The following KIAA0825 variants were observed in gnomAD, a reference collection of about 807,000 sequenced individuals.
The protein encoded by KIAA0825 is KIAA0825, also known as uncharacterized protein KIAA0825.
KIAA0825 carries 119 observed loss-of-function variants against 147.6 expected under a neutral mutation model. The ratio of observed to expected loss-of-function variants is 0.81; its 90% CI spans 0.69 to 0.94. KIAA0825 has a LOEUF of 0.94. KIAA0825 is among the 40% of genes least tolerant of loss of function. The pLI, the probability that KIAA0825 is intolerant of heterozygous loss-of-function variation, is 0.00. For synonymous variants in KIAA0825, 470 were observed against 518.1 expected (o/e 0.91, Z 1.26); for missense variants, 1,381 against 1,472.7 (o/e 0.94, Z 1.02).
At position 94,243,508 on chromosome 5, in the gene KIAA0825, C is replaced by T. The variant is rs190018763; in HGVS notation, c.3711-89384G>A. On this transcript the variant is annotated intron_variant, in intron 20 of 20. Coordinates refer to ENST00000682413, the MANE Select transcript of KIAA0825 (RefSeq NM_001145678.3). ...TGAAAGTAAAATGCTTAGCAGAGTG[C>T]CTGGCCCATAGCAAGACCTCCATAA... Among the ~76,000 whole-genome samples the T allele has an allele frequency of 1.5e-3, 221 of 152,256 alleles. 1 individual carries two copies. The highest frequency in any genetic ancestry group is 1.5e-3 in the South Asian group (7 of 4,822).
intron 7 of KIAA0825, among the ~76,000 whole-genome samples, chr5:94,476,459 C>T (rs142763971): frequency 2.2e-4 from 34 of 152,198 alleles, no homozygotes; most frequent in African/African-American, 8.2e-4. Flanking sequence ...GAACTGAAGT[C>T]ATGCAGGGAA....
chr5:94,421,380 G>C (rs1754161873), intron 14 of KIAA0825, among the ~76,000 whole-genome samples: 1 of 152,148 alleles, frequency 6.6e-6, no homozygotes, highest in African/African-American at 2.4e-5. Flanking sequence ...CCTTTGACTT[G>C]AAAGATTCTT....
At chr5:94,474,177 G>C (rs911349645) in intron 7 of KIAA0825, among the ~76,000 whole-genome samples, 2 of 152,154 alleles carry the variant, frequency 1.3e-5, no homozygotes, top group African/African-American at 4.8e-5. Context: ...TGGTGGTTGG[G>C]GGGGTACTTG....
chr5:94,407,341 T>C (rs1186646539), intron 15 of KIAA0825, among the ~76,000 whole-genome samples: 1 of 152,228 alleles, frequency 6.6e-6, no homozygotes, highest in Non-Finnish European at 1.5e-5. Flanking sequence ...ATTCTACTCC[T>C]AGTTATATAT....
chr5:94,257,607 G>C (rs1184459395), intron 20 of KIAA0825, among the ~76,000 whole-genome samples: 5 of 152,044 alleles, frequency 3.3e-5, no homozygotes, highest in African/African-American at 9.7e-5. Context: ...ACATATCTAA[G>C]ATGATTTTAA....
chr5:94,523,512 C>T (rs964916059), intron 4 of KIAA0825, among the ~76,000 whole-genome samples: 2 of 151,430 alleles, frequency 1.3e-5, no homozygotes, highest in African/African-American at 4.8e-5. Flanking sequence ...TAGTCAAGGC[C>T]ACTTAATAGA....
At chr5:94,470,156 GC>G in intron 9 of KIAA0825, 45 bp from the exon 10 acceptor site, 1 of 1,434,058 alleles carries the variant, frequency 7.0e-7, no homozygotes, top group Non-Finnish European at 9.4e-7. Flanking sequence ...TAAGGCCTGT[GC>G]AGTAGGAGAT....
chr5:94,201,670 G>A (rs745400576), intron 20 of KIAA0825, among the ~76,000 whole-genome samples: 2 of 151,612 alleles, frequency 1.3e-5, no homozygotes, highest in Non-Finnish European at 2.9e-5. Flanking sequence ...TCTGGTCTTG[G>A]ATTAAAGTGT....
intron 20 of KIAA0825, among the ~76,000 whole-genome samples, chr5:94,179,086 T>C (rs1181581870): frequency 6.6e-6 from 1 of 152,086 alleles, no homozygotes; most frequent in Admixed American, 6.6e-5. Flanking sequence ...AGCAAAAGCA[T>C]AGGCAGGAAA....
At chr5:94,326,852 G>A (rs941472726) in intron 20 of KIAA0825, among the ~76,000 whole-genome samples, 1 of 152,198 alleles carries the variant, frequency 6.6e-6, no homozygotes. Context: ...AAGCACTCTG[G>A]CCTGTAAACT....
rs199575229 is a variant in KIAA0825 at position 94,195,586 on chromosome 5, G to GT, written c.3711-41463dup. Among the ~76,000 whole-genome samples the GT allele has an allele frequency of 5.6e-3, 814 of 146,646 alleles. 5 individuals are homozygous for GT. The highest frequency in any genetic ancestry group is 7.1e-3 in the Admixed American group (105 of 14,756). On this transcript the variant is annotated intron_variant, in intron 20 of 20. Coordinates refer to ENST00000682413, the MANE Select transcript of KIAA0825 (RefSeq NM_001145678.3). ...TCCCTGGCTCCAAAATTGTAACAAC[G>GT]TTTTTTTTTTCTTCTTTTTAAATTC...
intron 1 of KIAA0825, among the ~76,000 whole-genome samples, chr5:94,608,702 G>A (rs1462093323): frequency 6.7e-6 from 1 of 149,092 alleles, no homozygotes; most frequent in East Asian, 2.0e-4. Context: ...TAATCAAATT[G>A]GGCTGTAACT....
chr5:94,455,506 G>A (rs975205745), intron 12 of KIAA0825, among the ~76,000 whole-genome samples: 3 of 152,066 alleles, frequency 2.0e-5, no homozygotes, highest in Non-Finnish European at 2.9e-5. Flanking sequence ...TGTTTTGAGA[G>A]GGAAACATAA....
chr5:94,429,767 A>G (rs1028936888), intron 14 of KIAA0825, among the ~76,000 whole-genome samples: 5 of 152,208 alleles, frequency 3.3e-5, no homozygotes, highest in African/African-American at 7.2e-5. Context: ...GGAAAATCCA[A>G]TGAAGCAGCC....
intron 20 of KIAA0825, among the ~76,000 whole-genome samples, chr5:94,283,254 T>C (rs1777537316): frequency 6.6e-6 from 1 of 152,100 alleles, no homozygotes; most frequent in East Asian, 1.9e-4. Context: ...TCTGAAAATG[T>C]CTTGTGACAG....
intron 20 of KIAA0825, among the ~76,000 whole-genome samples, chr5:94,349,207 T>C (rs1007308420): frequency 9.9e-5 from 15 of 152,164 alleles, no homozygotes; most frequent in African/African-American, 3.1e-4. Flanking sequence ...AAAGGGACAT[T>C]ATGTAATGGT....
At chr5:94,281,244 CTT>C (rs1777454117) in intron 20 of KIAA0825, among the ~76,000 whole-genome samples, 1 of 144,734 alleles carries the variant, frequency 6.9e-6, no homozygotes, top group East Asian at 2.0e-4. Context: ...CACACACACA[CTT>C]GCCATACCCA....
At chr5:94,209,907 C>T (rs1772547388) in intron 20 of KIAA0825, among the ~76,000 whole-genome samples, 1 of 152,218 alleles carries the variant, frequency 6.6e-6, no homozygotes, top group African/African-American at 2.4e-5. Context: ...CAGGTGGCTA[C>T]ATTTGGACTA....
chr5:94,469,901 G>T, intron 10 of KIAA0825, 60 bp downstream of exon 10: 1 of 1,343,486 alleles, frequency 7.4e-7, no homozygotes, highest in Non-Finnish European at 1.0e-6. Flanking sequence ...TAGCCAGAAA[G>T]CAGGTACGCA....
Sources: allele counts gnomAD v4.1 joint callset (sites outside exome capture counted in the v4.1 genomes callset), GRCh38; gene constraint gnomAD v4.1.1; transcripts MANE v1.5; gene names NCBI Gene and HGNC (gene_info 2026-07-23, HGNC 2026-07-21).